The following SLC39A11 variants were observed in gnomAD, a reference collection of about 807,000 sequenced individuals.
SLC39A11 encodes the protein zinc transporter ZIP11.
Under a neutral mutation model 36.1 loss-of-function variants are expected in SLC39A11, and 33 were observed. That is an observed-to-expected ratio of 0.91 (90% CI 0.69 to 1.22). SLC39A11 has a LOEUF of 1.22. Ranked by LOEUF, SLC39A11 falls within the 50% of genes most tolerant of loss-of-function variation. The pLI, the probability that SLC39A11 is intolerant of heterozygous loss-of-function variation, is 0.00. For synonymous variants in SLC39A11, 166 were observed against 170.3 expected (o/e 0.97, Z 0.20); for missense variants, 432 against 430.3 (o/e 1.00, Z -0.03).
At chr17:72,715,455 T>C (rs543577868) in intron 7 of SLC39A11, among the ~76,000 whole-genome samples, 21 of 152,212 alleles carry the variant, frequency 1.4e-4, no homozygotes, top group African/African-American at 5.1e-4. Flanking sequence ...CAACCTAATA[T>C]TGTTCAGCCT....
intron 5 of SLC39A11, among the ~76,000 whole-genome samples, chr17:72,858,323 C>T (rs372713725): frequency 6.6e-5 from 10 of 152,088 alleles, no homozygotes; most frequent in African/African-American, 2.2e-4. Flanking sequence ...CTATTCTGTT[C>T]CATTAGTCTA....
intron 7 of SLC39A11, among the ~76,000 whole-genome samples, chr17:72,711,199 T>C (rs2073093169): frequency 6.6e-6 from 1 of 152,064 alleles, no homozygotes; most frequent in Non-Finnish European, 1.5e-5. Context: ...CATTCCTCAA[T>C]AGGAAAAGAA....
chr17:72,930,530 A>G (rs1385853505), intron 5 of SLC39A11, among the ~76,000 whole-genome samples: 1 of 152,222 alleles, frequency 6.6e-6, no homozygotes, highest in African/African-American at 2.4e-5. Flanking sequence ...GTTCTGAGGA[A>G]AAGAAAATGA....
intron 5 of SLC39A11, among the ~76,000 whole-genome samples, chr17:72,854,391 G>A (rs2079533577): frequency 6.6e-6 from 1 of 152,104 alleles, no homozygotes; most frequent in Non-Finnish European, 1.5e-5. Flanking sequence ...TTGCTGCCGT[G>A]AGAAGGAGAG....
intron 6 of SLC39A11, chr17:72,837,924 CT>C: frequency 3.3e-6 from 4 of 1,227,018 alleles, no homozygotes; most frequent in African/African-American, 1.6e-5. Flanking sequence ...CATGCAGTTT[CT>C]TTTTTTCCTC....
chr17:73,060,427 TG>T (rs1207772193), intron 3 of SLC39A11, among the ~76,000 whole-genome samples: 1 of 152,178 alleles, frequency 6.6e-6, no homozygotes, highest in African/African-American at 2.4e-5. Context: ...CCAAATATGT[TG>T]CTTTTTATAT....
chr17:73,034,070 T>C (rs1327240741), intron 3 of SLC39A11, among the ~76,000 whole-genome samples: 10 of 152,086 alleles, frequency 6.6e-5, no homozygotes. Flanking sequence ...TCAAAGGAAA[T>C]GTGAGGGCTC....
At chr17:73,059,060 G>A (rs979733753) in intron 3 of SLC39A11, among the ~76,000 whole-genome samples, 1 of 152,124 alleles carries the variant, frequency 6.6e-6, no homozygotes, top group Non-Finnish European at 1.5e-5. Context: ...GAATTTTAAA[G>A]TAATAGATAT....
At chr17:72,728,792 G>T (rs1056907967) in intron 7 of SLC39A11, among the ~76,000 whole-genome samples, 1 of 152,110 alleles carries the variant, frequency 6.6e-6, no homozygotes, top group African/African-American at 2.4e-5. Context: ...CCCAATCTGT[G>T]TAAATGGAGT....
chr17:72,894,045 A>C (rs1260446196), intron 5 of SLC39A11, among the ~76,000 whole-genome samples: 1 of 152,074 alleles, frequency 6.6e-6, no homozygotes, highest in Non-Finnish European at 1.5e-5. Flanking sequence ...ATGCAAAATA[A>C]CCAATGCTCA....
intron 4 of SLC39A11, among the ~76,000 whole-genome samples, chr17:72,976,066 A>C (rs2148109045): frequency 6.8e-6 from 1 of 146,666 alleles, no homozygotes; most frequent in South Asian, 2.3e-4. Flanking sequence ...GCTACTCGGG[A>C]GGCTGAGGCA....
chr17:72,731,310 T>C (rs950486392), intron 7 of SLC39A11, among the ~76,000 whole-genome samples: 9 of 152,182 alleles, frequency 5.9e-5, no homozygotes, highest in Admixed American at 1.3e-4. Flanking sequence ...CTGCCTCCGG[T>C]ATCTCCAGAT....
At chr17:72,665,949 C>G (rs1009294603) in intron 7 of SLC39A11, among the ~76,000 whole-genome samples, 2 of 152,134 alleles carry the variant, frequency 1.3e-5, no homozygotes, top group Non-Finnish European at 2.9e-5. Flanking sequence ...ACTGATTTAT[C>G]CCAAGCACAT....
intron 3 of SLC39A11, among the ~76,000 whole-genome samples, chr17:73,058,650 G>A (rs759137728): frequency 6.6e-6 from 1 of 152,200 alleles, no homozygotes; most frequent in South Asian, 2.1e-4. Context: ...TTGAACCTGG[G>A]AGGTGGAGGT....
intron 4 of SLC39A11, among the ~76,000 whole-genome samples, chr17:72,950,285 A>G (rs1240021135): frequency 6.6e-6 from 1 of 152,196 alleles, no homozygotes; most frequent in African/African-American, 2.4e-5. Flanking sequence ...CCCTTGTACA[A>G]GTTTTCAGTC....
chr17:72,983,011 A>T (rs2088445944), intron 4 of SLC39A11, among the ~76,000 whole-genome samples: 1 of 152,196 alleles, frequency 6.6e-6, no homozygotes, highest in South Asian at 2.1e-4. Context: ...TATTCACTGC[A>T]TCACTGTTCC....
intron 7 of SLC39A11, among the ~76,000 whole-genome samples, chr17:72,674,448 T>C (rs4793301): frequency 0.23 from 34,960 of 152,148 alleles, 4,237 homozygotes; most frequent in South Asian, 0.27. Flanking sequence ...CTCTCCCACA[T>C]ATGGGCATTT....
Position 72,671,818 on chromosome 17 carries a change from A to G in SLC39A11, c.672-22550T>C, listed in dbSNP as rs532785663. Among the ~76,000 whole-genome samples the G allele has an allele frequency of 1.6e-4, 25 of 152,362 alleles. No individual in the cohort carries two copies. The South Asian group carries it at 5.2e-3, about 32-fold the overall frequency. ...TATCACCTATATGCAGAATCTTAAAAAGCTGCATTAATAGAAATAGAGAGT... is the reference window on the plus strand; with the variant it reads ...TATCACCTATATGCAGAATCTTAAAGAGCTGCATTAATAGAAATAGAGAGT... On this transcript the variant is annotated intron_variant, in intron 7 of 9. Transcript: ENST00000255559.
chr17:72,978,613 G>A (rs900045170), intron 4 of SLC39A11, among the ~76,000 whole-genome samples: 5 of 152,026 alleles, frequency 3.3e-5, no homozygotes, highest in African/African-American at 1.2e-4. Context: ...AGGGCTTGGG[G>A]AGCTTCTAAG....
Sources: gnomAD v4.1 joint callset for allele counts (sites outside exome capture counted in the v4.1 genomes callset) on GRCh38, gnomAD v4.1.1 for gene constraint, MANE v1.5 for transcripts, NCBI Gene and HGNC (gene_info 2026-07-23, HGNC 2026-07-21) for gene names.